PRKN: variants seen among roughly 807,000 people sequenced by gnomAD.
PRKN encodes E3 ubiquitin-protein ligase parkin.
Under a neutral mutation model 59.5 loss-of-function variants are expected in PRKN, and 56 were observed. The ratio of observed to expected loss-of-function variants is 0.94; its 90% CI spans 0.76 to 1.18. The LOEUF (loss-of-function observed/expected upper bound fraction) is 1.18. Ranked by LOEUF, PRKN falls within the 50% of genes most tolerant of loss-of-function variation. The pLI, the probability that PRKN is intolerant of heterozygous loss-of-function variation, is 0.00. For synonymous variants in PRKN, 250 were observed against 222.1 expected (o/e 1.13, Z -1.12); for missense variants, 657 against 596.4 (o/e 1.10, Z -1.06).
intron 7 of PRKN, among the ~76,000 whole-genome samples, chr6:161,785,020 A>G (rs1283667258): frequency 6.6e-6 from 1 of 152,226 alleles, no homozygotes; most frequent in Non-Finnish European, 1.5e-5. Context: ...AAGGTCACCT[A>G]TTGTACGATT....
chr6:162,344,536 C>G (rs1346887510), intron 2 of PRKN, among the ~76,000 whole-genome samples: 1 of 152,020 alleles, frequency 6.6e-6, no homozygotes, highest in Non-Finnish European at 1.5e-5. Context: ...AAGGTCACCC[C>G]CATCACTGCC....
chr6:161,969,045 G>A (rs1254395005), intron 6 of PRKN, among the ~76,000 whole-genome samples: 1 of 152,070 alleles, frequency 6.6e-6, no homozygotes, highest in Non-Finnish European at 1.5e-5. Context: ...AATAGGCAAA[G>A]ACAAAAATTA....
At position 161,461,820 on chromosome 6, in the gene PRKN, T is replaced by A. The variant is rs113184964; in HGVS notation, c.1084-74943A>T. Reference sequence around the variant, plus strand: ...AATGTGAAGTATAATCCAGGAGCTCTAGAGAATGGTCTAGTTAGAGACACA... The same window carrying A: ...AATGTGAAGTATAATCCAGGAGCTCAAGAGAATGGTCTAGTTAGAGACACA... On this transcript the variant is annotated intron_variant, in intron 9 of 11. Transcript: ENST00000366898. The surrounding 1 kb of genome is among the most constrained non-coding windows in gnomAD (Gnocchi z 5.1). Among the ~76,000 whole-genome samples the A allele has an allele frequency of 0.011, 1,633 of 152,232 alleles. 38 individuals are homozygous for A. Among genetic ancestry groups the A allele is most frequent in the African/African-American group, 0.038 (1,574 of 41,548 alleles).
intron 4 of PRKN, among the ~76,000 whole-genome samples, chr6:162,069,754 A>G (rs1459845468): frequency 1.3e-5 from 2 of 152,220 alleles, no homozygotes; most frequent in East Asian, 3.8e-4. Flanking sequence ...CAAATTGTTT[A>G]AAACAAATAT....
intron 6 of PRKN, among the ~76,000 whole-genome samples, chr6:161,862,171 C>T (rs993715427): frequency 2.0e-5 from 3 of 152,104 alleles, no homozygotes; most frequent in African/African-American, 7.2e-5. Context: ...GCTTTTTCCA[C>T]ATATGGTCAT....
chr6:162,339,705 G>A (rs1253511598), intron 2 of PRKN, among the ~76,000 whole-genome samples: 5 of 152,320 alleles, frequency 3.3e-5, no homozygotes, highest in East Asian at 3.9e-4. Context: ...AAGGGGGGAA[G>A]GGTGGGAAAA....
intron 1 of PRKN, among the ~76,000 whole-genome samples, chr6:162,660,630 C>T (rs140358949): frequency 3.3e-5 from 5 of 152,258 alleles, no homozygotes; most frequent in African/African-American, 1.2e-4. Context: ...GTTTGTCCTT[C>T]CTACAAGAGT....
At chr6:161,510,204 A>C (rs1288321377) in intron 9 of PRKN, among the ~76,000 whole-genome samples, 1 of 152,212 alleles carries the variant, frequency 6.6e-6, no homozygotes, top group African/African-American at 2.4e-5. Flanking sequence ...TAATGATGAA[A>C]TTCCAGATGC....
At chr6:162,613,407 A>G (rs906205290) in intron 1 of PRKN, among the ~76,000 whole-genome samples, 3 of 152,204 alleles carry the variant, frequency 2.0e-5, no homozygotes, top group African/African-American at 7.2e-5. Flanking sequence ...TTTGACTCAT[A>G]TTATCTTGTT....
At chr6:162,664,763 C>T (rs1779030796) in intron 1 of PRKN, among the ~76,000 whole-genome samples, 1 of 151,842 alleles carries the variant, frequency 6.6e-6, no homozygotes, top group Admixed American at 6.6e-5. Context: ...GTTTAAGTTC[C>T]TTGTAAATTC....
At chr6:161,635,284 T>C (rs1184393109) in intron 7 of PRKN, among the ~76,000 whole-genome samples, 1 of 152,206 alleles carries the variant, frequency 6.6e-6, no homozygotes, top group East Asian at 1.9e-4. Context: ...GAGAAATCAT[T>C]TTGGAATATA....
At chr6:162,069,329 T>C (rs1778476824) in intron 4 of PRKN, among the ~76,000 whole-genome samples, 1 of 152,184 alleles carries the variant, frequency 6.6e-6, no homozygotes, top group South Asian at 2.1e-4. Context: ...ACGCCATGAT[T>C]CTGAGGCCTC....
At chr6:162,040,996 C>G (rs1317297030) in intron 5 of PRKN, among the ~76,000 whole-genome samples, 1 of 151,622 alleles carries the variant, frequency 6.6e-6, no homozygotes, top group Non-Finnish European at 1.5e-5. Context: ...ACCAGCCTGG[C>G]CAACATGGTG....
intron 7 of PRKN, among the ~76,000 whole-genome samples, chr6:161,685,095 G>A (rs1458747777): frequency 6.6e-6 from 1 of 152,138 alleles, no homozygotes; most frequent in African/African-American, 2.4e-5. Context: ...TCTATTCTAT[G>A]TTCTAATGTA....
chr6:161,785,005 C>A (rs946928759), intron 7 of PRKN, among the ~76,000 whole-genome samples: 2 of 152,172 alleles, frequency 1.3e-5, no homozygotes, highest in Non-Finnish European at 2.9e-5. Context: ...ATAAGGCAGA[C>A]ACGAAAGGTC....
intron 7 of PRKN, among the ~76,000 whole-genome samples, chr6:161,733,804 A>ATATATATATATATATG (rs1787845473): frequency 3.1e-5 from 4 of 129,076 alleles, no homozygotes; most frequent in Admixed American, 1.5e-4. Context: ...ATATGTATAT[A>ATATATATATATATATG]TATATATATA....
At chr6:162,259,512 T>G (rs1163100439) in intron 3 of PRKN, among the ~76,000 whole-genome samples, 1 of 152,260 alleles carries the variant, frequency 6.6e-6, no homozygotes, top group African/African-American at 2.4e-5. Context: ...ATTCTGCACA[T>G]GAGAGTCTGT....
chr6:162,488,042 T>G (rs78984763), intron 1 of PRKN, among the ~76,000 whole-genome samples: 8 of 132,960 alleles, frequency 6.0e-5, no homozygotes, highest in Admixed American at 7.4e-5. Flanking sequence ...TTTTTTTTTT[T>G]TTTTTTTTTT....
At chr6:162,421,777 T>G (rs2128159612) in intron 2 of PRKN, among the ~76,000 whole-genome samples, 1 of 152,280 alleles carries the variant, frequency 6.6e-6, no homozygotes, top group South Asian at 2.1e-4. Context: ...GGAACATCAT[T>G]ACATAATGTT....
Sources: gnomAD v4.1 joint callset for allele counts (sites outside exome capture counted in the v4.1 genomes callset) on GRCh38, gnomAD v4.1.1 for gene constraint, Gnocchi (gnomAD v3.1) non-coding constraint, MANE v1.5 for transcripts, NCBI Gene and HGNC (gene_info 2026-07-23, HGNC 2026-07-21) for gene names.